Variants in TRIM56 observed in about 807,000 individuals in gnomAD.
The protein encoded by TRIM56 is E3 ubiquitin-protein ligase TRIM56.
TRIM56 carries 10 observed loss-of-function variants against 17.1 expected under a neutral mutation model. The observed-to-expected ratio is 0.58, with a 90% confidence interval of 0.36 to 0.99. The LOEUF is 0.99. Ranked by LOEUF, TRIM56 falls within the 50% of genes least tolerant of loss-of-function variation. TRIM56 has a pLI of 0.01. For missense variants in TRIM56, 923 were observed against 1,052.3 expected (o/e 0.88, Z 1.70); for synonymous variants, 503 against 473.5 (o/e 1.06, Z -0.81).
In TRIM56 at chr7:101,089,072, T is replaced by C. The variant is rs1276085880; in HGVS notation, c.1760T>C (p.Leu587Pro). The C allele has an allele frequency of 1.3e-6, 2 of 1,598,130 alleles. No individual in the cohort carries two copies. The highest frequency in any genetic ancestry group is 1.3e-5 in the African/African-American group (1 of 74,718). The part of the protein sequence containing the change: ...GEVQWRRALS[L>P]SQASHAVAAL... ...GTGCAGTGGCGCAGGGCCCTGAGCC[T>C]CTCCCAGGCCAGCCACGCGGTGGCG... Residue 587 changes from leucine (L) to proline (P), a missense_variant, in exon 3 of 3, where the codon CTC (leucine) becomes CCC (proline). Around this residue, in one of 3 missense-constraint regions of TRIM56, gnomAD observed 182 missense variants for 243.1 expected, o/e 0.75. Coordinates refer to ENST00000306085, the MANE Select transcript of TRIM56 (RefSeq NM_030961.3).
chr7:101,095,401 T>A lies in TRIM56; in HGVS notation c.*5821T>A, dbSNP rs1795640464. ...AAGGGGGGGATAAAAGAGGGAGAGA[T>A]GAGATCGGGGTGTCCCGCTTCTGTG... is the stretch of plus-strand genomic sequence containing the variant. On this transcript the variant is annotated 3_prime_UTR_variant, in exon 3 of 3. Transcript: ENST00000306085. The A allele has an allele frequency of 6.6e-6, 1 of 152,012 alleles. No individual in the cohort carries two copies. Among genetic ancestry groups the A allele is most frequent in the Non-Finnish European group, 1.5e-5 (1 of 68,148 alleles). The allele number at this position is 152,012 out of a possible 1,614,324, so 9.4% of individuals were successfully genotyped here. A position where few individuals can be genotyped will look rare whatever the true frequency, so the allele number is the denominator to read the frequency against.
rs1396620937 is a variant in TRIM56, at chr7:101,094,052, T to C, written c.*4472T>C. 1.3e-5 allele frequency: 2 copies of C among 152,134 alleles called. No homozygotes were observed. The highest frequency in any genetic ancestry group is 2.9e-5 in the Non-Finnish European group (2 of 68,022). The allele number at this position is 152,134 out of a possible 1,614,324, so 9.4% of individuals were successfully genotyped here. A position where few individuals can be genotyped will look rare whatever the true frequency, so the allele number is the denominator to read the frequency against. On this transcript the variant is annotated 3_prime_UTR_variant, in exon 3 of 3. Transcript: ENST00000306085. The stretch of plus-strand genomic sequence containing the variant: ...GGAAAATAATGTAAGAGAAAAAATA[T>C]TTGCATACAGACATTTGAGGCTGCT...
In TRIM56 at chr7:101,088,048, G is replaced by A; in HGVS notation, c.736G>A (p.Glu246Lys). The A allele has an allele frequency of 6.5e-7, 1 of 1,537,394 alleles. No individual in the cohort carries two copies. The highest frequency in any genetic ancestry group is 8.7e-7 in the Non-Finnish European group (1 of 1,145,300). ...GAAGGAGGCGCTAGCCCGGCTGCGG[G>A]AGCAGGCGGCCCGGGTGGGGACTCA... ...VEKEALARLREQAARVGTQVE... is the reference protein window; with the variant it reads ...VEKEALARLRKQAARVGTQVE... The change falls in exon 3 of 3, where the codon GAG becomes AAG. Residue 246 changes from glutamate to lysine, a missense_variant. By Grantham distance (56) the Glu-to-Lys change is moderately conservative. Around this residue, in one of 3 missense-constraint regions of TRIM56, gnomAD observed 643 missense variants for 665.6 expected, o/e 0.97. Transcript: ENST00000306085.
chr7:101,097,172 G>A lies in TRIM56; in HGVS notation c.*7592G>A, dbSNP rs1197594080. ...AAAAGTTTTGCAAGGAAACCGATGA[G>A]GTTGCTGACCTGAGCTGGGCAGGGT... On this transcript the variant is annotated 3_prime_UTR_variant, in exon 3 of 3. Coordinates refer to ENST00000306085, the MANE Select transcript of TRIM56 (RefSeq NM_030961.3). 1 of 152,236 alleles carries A rather than the reference G, an allele frequency of 6.6e-6. No homozygotes were observed. The highest frequency in any genetic ancestry group is 2.4e-5 in the African/African-American group (1 of 41,456). 9.4% of individuals were successfully genotyped at this position (152,236 alleles called of 1,614,324 possible). A position where few individuals can be genotyped will look rare whatever the true frequency, so the allele number is the denominator to read the frequency against.
chr7:101,089,097 G>C lies in TRIM56; in HGVS notation c.1785G>C (p.Ala595=). The change falls in exon 3 of 3, where the codon GCG becomes GCC. Residue 595 remains alanine, a synonymous_variant. Transcript: ENST00000306085. ...LSLSQASHAV[A]ALPSGDRVAV... ...TCTCCCAGGCCAGCCACGCGGTGGC[G>C]GCACTGCCTAGCGGGGACCGCGTGG... is the stretch of plus-strand genomic sequence containing the variant. The C allele has an allele frequency of 1.3e-6, 2 of 1,599,590 alleles. No individual in the cohort carries two copies. The highest frequency in any genetic ancestry group is 3.3e-4 in the Middle Eastern group (2 of 6,048).
rs886776712 is a variant in TRIM56 at position 101,090,945 on chromosome 7, G to C, written c.*1365G>C. 6.6e-6 allele frequency: 1 copy of C among 152,222 alleles called. No individual in the cohort carries two copies. The highest frequency in any genetic ancestry group is 1.5e-5 in the Non-Finnish European group (1 of 68,060). 9.4% of individuals were successfully genotyped at this position (152,222 alleles called of 1,614,324 possible). A position where few individuals can be genotyped will look rare whatever the true frequency, so the allele number is the denominator to read the frequency against. On this transcript the variant is annotated 3_prime_UTR_variant, in exon 3 of 3. Transcript: ENST00000306085. ...TCGGCTGAACTAGGGGGTGAAGGAAGGTTGTCCTCTGTGGGCCACTATTGC... is the reference window on the plus strand; with the variant it reads ...TCGGCTGAACTAGGGGGTGAAGGAACGTTGTCCTCTGTGGGCCACTATTGC...
At chr7:101,086,515 C>T (rs888521993) in intron 1 of TRIM56, among the ~76,000 whole-genome samples, 3 of 143,630 alleles carry the variant, frequency 2.1e-5, no homozygotes, top group South Asian at 2.2e-4. Flanking sequence ...GAGCCAAGAT[C>T]GCACCACTGC....
At position 101,087,302 on chromosome 7, in the gene TRIM56, C is replaced by T. The variant is rs1166276452; in HGVS notation, c.-1-10C>T. 5 of 1,607,696 alleles carry T rather than the reference C, an allele frequency of 3.1e-6. No individual in the cohort carries two copies. The highest frequency in any genetic ancestry group is 1.7e-4 in the Middle Eastern group (1 of 6,012). On this transcript the variant is annotated splice_polypyrimidine_tract_variant and intron_variant, in intron 2 of 2. Transcript: ENST00000306085. ...CTTCTCAACTCTGATCCTGACGCCT[C>T]TGCCTGCAGCATGGTTTCCCACGGG...
Position 101,094,421 on chromosome 7 carries a change from C to A in TRIM56, c.*4841C>A, listed in dbSNP as rs1795626373. The A allele has an allele frequency of 6.6e-6, 1 of 152,108 alleles. No individual in the cohort carries two copies. The highest frequency in any genetic ancestry group is 2.4e-5 in the African/African-American group (1 of 41,416). 9.4% of individuals were successfully genotyped at this position (152,108 alleles called of 1,614,324 possible). On this transcript the variant is annotated 3_prime_UTR_variant, in exon 3 of 3. Coordinates refer to ENST00000306085, the MANE Select transcript of TRIM56 (RefSeq NM_030961.3). ...TATTATTCATACGTGTACATTTCTA[C>A]TTCAGTTTTTATTATCCATTACATA...
In TRIM56 at chr7:101,091,910, G is replaced by A. The variant is rs1795572251; in HGVS notation, c.*2330G>A. On this transcript the variant is annotated 3_prime_UTR_variant, in exon 3 of 3. Coordinates refer to ENST00000306085, the MANE Select transcript of TRIM56 (RefSeq NM_030961.3). ...CTGCCTGATTCTCCTGCCTCAGCCT[G>A]CCGAGTGCCTGCGATTGCAGGCGCG... The A allele has an allele frequency of 3.2e-6, 1 of 307,990 alleles. No individual in the cohort carries two copies. Among genetic ancestry groups the A allele is most frequent in the African/African-American group, 2.3e-5 (1 of 43,316 alleles). 19.1% of individuals were successfully genotyped at this position (307,990 alleles called of 1,614,324 possible).
At position 101,094,395 on chromosome 7, in the gene TRIM56, C is replaced by T. The variant is rs941664335; in HGVS notation, c.*4815C>T. ...TTTGTTTGTTTTTCATTATTTTGTG[C>T]TATTATTCATACGTGTACATTTCTA... On this transcript the variant is annotated 3_prime_UTR_variant, in exon 3 of 3. Coordinates refer to ENST00000306085, the MANE Select transcript of TRIM56 (RefSeq NM_030961.3). 1 of 152,010 alleles carries T rather than the reference C, an allele frequency of 6.6e-6. No homozygotes were observed. Among genetic ancestry groups the T allele is most frequent in the Non-Finnish European group, 1.5e-5 (1 of 68,012 alleles). 9.4% of individuals were successfully genotyped at this position (152,010 alleles called of 1,614,324 possible).
chr7:101,086,298 C>T (rs188819546), intron 1 of TRIM56, among the ~76,000 whole-genome samples: 4 of 150,742 alleles, frequency 2.7e-5, no homozygotes, highest in Non-Finnish European at 4.4e-5. Flanking sequence ...TGGTGGCTCA[C>T]GCCTATAATC....
At position 101,095,223 on chromosome 7, in the gene TRIM56, A is replaced by T. The variant is rs1795637684; in HGVS notation, c.*5643A>T. 6.6e-6 allele frequency: 1 copy of T among 152,280 alleles called. No homozygotes were observed. Among genetic ancestry groups the T allele is most frequent in the South Asian group, 2.1e-4 (1 of 4,832 alleles). 9.4% of individuals were successfully genotyped at this position (152,280 alleles called of 1,614,324 possible). On this transcript the variant is annotated 3_prime_UTR_variant, in exon 3 of 3. Transcript: ENST00000306085. ...ACCCCATCTCTACAAAAAAATTTTT[A>T]AATTAGCCAGAGGTGGTGGCATGCA...
chr7:101,086,560 C>CAA (rs768912765), intron 1 of TRIM56, among the ~76,000 whole-genome samples: 715 of 38,268 alleles, frequency 0.019, 15 homozygotes, highest in East Asian at 0.054. Flanking sequence ...GACTCTGTCT[C>CAA]AAAAAAAAAA....
rs1366124212 is a variant in TRIM56, at chr7:101,096,576, T to G, written c.*6996T>G. ...CATCCACATGCCCACTTCACAGAGC[T>G]GCTGTGAGGACTGGATGAGAAATGT... On this transcript the variant is annotated 3_prime_UTR_variant, in exon 3 of 3. Coordinates refer to ENST00000306085, the MANE Select transcript of TRIM56 (RefSeq NM_030961.3). The G allele has an allele frequency of 1.3e-5, 2 of 152,232 alleles. No homozygotes were observed. Among genetic ancestry groups the G allele is most frequent in the Non-Finnish European group, 2.9e-5 (2 of 68,054 alleles). The allele number at this position is 152,232 out of a possible 1,614,324, so 9.4% of individuals were successfully genotyped here. A position where few individuals can be genotyped will look rare whatever the true frequency, so the allele number is the denominator to read the frequency against.
At position 101,089,056 on chromosome 7, in the gene TRIM56, C is replaced by T. The variant is rs758519271; in HGVS notation, c.1744C>T (p.Arg582Cys). The change falls in exon 3 of 3, where the codon CGC (arginine) becomes TGC (cysteine). Residue 582 changes from arginine to cysteine, a missense_variant. Physicochemically the swap from Arg to Cys is radical, Grantham distance 180. This residue lies in a region of TRIM56 where 182 missense variants were observed against 243.1 expected (regional missense o/e 0.75). Transcript: ENST00000306085. ...LINPNGEVQWRRALSLSQASH... is the reference protein window; with the variant it reads ...LINPNGEVQWCRALSLSQASH... Reference sequence around the variant, plus strand: ...CAACCCCAACGGCGAAGTGCAGTGGCGCAGGGCCCTGAGCCTCTCCCAGGC... The same window carrying T: ...CAACCCCAACGGCGAAGTGCAGTGGTGCAGGGCCCTGAGCCTCTCCCAGGC... The T allele has an allele frequency of 2.5e-6, 4 of 1,600,846 alleles. No individual in the cohort carries two copies. Among genetic ancestry groups the T allele is most frequent in the South Asian group, 1.1e-5 (1 of 90,900 alleles).
In TRIM56 at chr7:101,097,139, C is replaced by G. The variant is rs1363290837; in HGVS notation, c.*7559C>G. 2.6e-5 allele frequency: 4 copies of G among 152,184 alleles called. No individual in the cohort carries two copies. The highest frequency in any genetic ancestry group is 4.4e-5 in the Non-Finnish European group (3 of 68,040). The allele number at this position is 152,184 out of a possible 1,614,324, so 9.4% of individuals were successfully genotyped here. On this transcript the variant is annotated 3_prime_UTR_variant, in exon 3 of 3. Transcript: ENST00000306085. The stretch of plus-strand genomic sequence containing the variant: ...AATTCTAAGGGGCGAAAGTCCAAGG[C>G]AGAAGTCAAAAGTTTTGCAAGGAAA...
chr7:101,092,208 AC>A lies in TRIM56; in HGVS notation c.*2633del, dbSNP rs1795578099. 9.9e-6 allele frequency: 2 copies of A among 201,450 alleles called. No individual in the cohort carries two copies. The highest frequency in any genetic ancestry group is 6.6e-5 in the South Asian group (1 of 15,118). The allele number at this position is 201,450 out of a possible 1,614,324, so 12.5% of individuals were successfully genotyped here. A position where few individuals can be genotyped will look rare whatever the true frequency, so the allele number is the denominator to read the frequency against. Reference sequence around the variant, plus strand: ...AGATTACAGCCTCTGCCCGGCCGCCACCCCCTCTGGGAAGTGCGGAGTGTCT... The same window carrying A: ...AGATTACAGCCTCTGCCCGGCCGCCACCCCTCTGGGAAGTGCGGAGTGTCT... On this transcript the variant is annotated 3_prime_UTR_variant, in exon 3 of 3. Transcript: ENST00000306085.
At position 101,087,849 on chromosome 7, in the gene TRIM56, C is replaced by T; in HGVS notation, c.537C>T (p.Phe179=). 6.2e-7 allele frequency: 1 copy of T among 1,604,600 alleles called. No homozygotes were observed. The highest frequency in any genetic ancestry group is 8.5e-7 in the Non-Finnish European group (1 of 1,176,800). Residue 179 remains phenylalanine, a synonymous_variant, in exon 3 of 3, where the codon TTC becomes TTT. Coordinates refer to ENST00000306085, the MANE Select transcript of TRIM56 (RefSeq NM_030961.3). The part of the protein sequence containing the change: ...CPQHPGEALR[F]LCQPCSQLLC... Reference sequence around the variant, plus strand: ...AGCACCCCGGGGAGGCACTGCGCTTCCTGTGCCAGCCCTGCTCACAGTTGC... The same window carrying T: ...AGCACCCCGGGGAGGCACTGCGCTTTCTGTGCCAGCCCTGCTCACAGTTGC...
Sources: allele counts gnomAD v4.1 joint callset (sites outside exome capture counted in the v4.1 genomes callset), GRCh38; gene constraint gnomAD v4.1.1; regional missense constraint gnomAD v4.1.1; transcripts MANE v1.5; gene names NCBI Gene and HGNC (gene_info 2026-07-23, HGNC 2026-07-21).